SAMD8: variants seen among roughly 807,000 people sequenced by gnomAD.
SAMD8 encodes the protein sphingomyelin synthase-related protein 1.
A neutral mutation model predicts 42.0 loss-of-function variants in SAMD8; 20 were observed. The observed-to-expected ratio is 0.48, with a 90% CI of 0.34 to 0.69. The LOEUF is 0.69. Among genes scored for constraint, SAMD8 ranks in the 30% least tolerant of loss-of-function variants. The pLI is 0.01. For synonymous variants in SAMD8, 162 were observed against 173.0 expected (o/e 0.94, Z 0.50); for missense variants, 328 against 511.6 (o/e 0.64, Z 3.46).
chr10:75,136,814 A>G (rs892846574), intron 1 of SAMD8, among the ~76,000 whole-genome samples: 5 of 152,230 alleles, frequency 3.3e-5, no homozygotes, highest in African/African-American at 9.6e-5. Context: ...TAGTAAGCAT[A>G]TGAAAAGATG....
chr10:75,136,734 A>G (rs1839894919), intron 1 of SAMD8, among the ~76,000 whole-genome samples: 1 of 152,168 alleles, frequency 6.6e-6, no homozygotes, highest in South Asian at 2.1e-4. Flanking sequence ...TCTCAATACC[A>G]AAAAAACCCA....
intron 1 of SAMD8, among the ~76,000 whole-genome samples, chr10:75,123,071 A>G (rs1363096762): frequency 1.3e-5 from 2 of 152,202 alleles, no homozygotes; most frequent in African/African-American, 4.8e-5. Context: ...TACAGACACC[A>G]TCTCCATAGT....
In SAMD8 at chr10:75,178,707, A is replaced by T. The variant is rs1388610065; in HGVS notation, c.*2015A>T. The T allele has an allele frequency of 6.6e-6, 1 of 152,162 alleles. No individual in the cohort carries two copies. Among genetic ancestry groups the T allele is most frequent in the Non-Finnish European group, 1.5e-5 (1 of 68,076 alleles). The allele number at this position is 152,162 out of a possible 1,614,324, so 9.4% of individuals were successfully genotyped here. On this transcript the variant is annotated 3_prime_UTR_variant, in exon 6 of 6. Transcript: ENST00000542569. ...CGCCTATGAATAACCACTGCATTCC[A>T]GCCCGGGCAAGGTAGCAAGACCCAT... is the stretch of plus-strand genomic sequence containing the variant.
intron 2 of SAMD8, among the ~76,000 whole-genome samples, chr10:75,162,915 A>G (rs1840591546): frequency 6.6e-6 from 1 of 151,144 alleles, no homozygotes; most frequent in Non-Finnish European, 1.5e-5. Flanking sequence ...CAAGAGAGGA[A>G]TTTTTTTTTC....
chr10:75,107,478 G>T (rs575815511), upstream of SAMD8, among the ~76,000 whole-genome samples: 5 of 152,320 alleles, frequency 3.3e-5, no homozygotes, highest in South Asian at 6.2e-4. Context: ...CAGCCTCAGG[G>T]TTGCTCCTAA....
intron 1 of SAMD8, among the ~76,000 whole-genome samples, chr10:75,138,009 A>G (rs903298717): frequency 5.9e-5 from 9 of 152,198 alleles, no homozygotes; most frequent in African/African-American, 2.2e-4. Flanking sequence ...CTGGAGAATT[A>G]TGTGCATGTG....
intron 1 of SAMD8, among the ~76,000 whole-genome samples, chr10:75,136,077 GT>G (rs953896295): frequency 1.0e-4 from 15 of 149,340 alleles, no homozygotes; most frequent in African/African-American, 1.2e-4. Context: ...TTTTCTTTTG[GT>G]TTTTTTTTGG....
intron 1 of SAMD8, among the ~76,000 whole-genome samples, chr10:75,100,986 T>C (rs1329476586): frequency 6.6e-6 from 1 of 152,272 alleles, no homozygotes; most frequent in South Asian, 2.1e-4. Context: ...CTGGACTTTC[T>C]TCCTGCCCAT....
chr10:75,130,845 GATA>G (rs1220806662), intron 1 of SAMD8, among the ~76,000 whole-genome samples: 1 of 152,154 alleles, frequency 6.6e-6, no homozygotes, highest in Non-Finnish European at 1.5e-5. Context: ...GTAAAATGAA[GATA>G]ATAGTAATGT....
chr10:75,119,062 T>C (rs779976934), intron 1 of SAMD8, among the ~76,000 whole-genome samples: 1 of 152,260 alleles, frequency 6.6e-6, no homozygotes, highest in African/African-American at 2.4e-5. Context: ...CCTCAGTGTT[T>C]ATCTTGGGAT....
At chr10:75,117,668 G>A (rs1848918241) in intron 1 of SAMD8, among the ~76,000 whole-genome samples, 1 of 152,218 alleles carries the variant, frequency 6.6e-6, no homozygotes, top group Non-Finnish European at 1.5e-5. Context: ...AGTGAGCCGA[G>A]ATTGCGCCAT....
intron 4 of SAMD8, among the ~76,000 whole-genome samples, chr10:75,169,620 A>G (rs1840798297): frequency 6.6e-6 from 1 of 151,700 alleles, no homozygotes; most frequent in South Asian, 2.1e-4. Flanking sequence ...TCACTCCTTT[A>G]AAAATGTTGC....
intron 1 of SAMD8, among the ~76,000 whole-genome samples, chr10:75,121,954 A>G (rs547307242): frequency 6.6e-6 from 1 of 152,362 alleles, no homozygotes; most frequent in Non-Finnish European, 1.5e-5. Flanking sequence ...GGCCTCCCAA[A>G]GTGCTGGGAT....
intron 1 of SAMD8, chr10:75,101,804 C>T (rs959494541): frequency 6.6e-6 from 8 of 1,216,334 alleles, no homozygotes; most frequent in Admixed American, 5.8e-5. Context: ...TGTCCTGGCC[C>T]TCATTACCCA....
chr10:75,102,380 T>G (rs1447144938), intron 1 of SAMD8, among the ~76,000 whole-genome samples: 1 of 151,820 alleles, frequency 6.6e-6, no homozygotes, highest in Non-Finnish European at 1.5e-5. Context: ...GAGGCAGAGC[T>G]TGCAGTGAGC....
chr10:75,106,248 C>G (rs1014833524), intron 1 of SAMD8, among the ~76,000 whole-genome samples: 1 of 151,910 alleles, frequency 6.6e-6, no homozygotes, highest in Non-Finnish European at 1.5e-5. Flanking sequence ...GGCCTCCAAA[C>G]CTTTTTAACA....
intron 1 of SAMD8, among the ~76,000 whole-genome samples, chr10:75,120,863 C>T (rs944345920): frequency 6.8e-6 from 1 of 148,044 alleles, no homozygotes; most frequent in African/African-American, 2.5e-5. Context: ...TCACTGCAGC[C>T]TCCGCCTCCC....
intron 1 of SAMD8, chr10:75,125,758 CA>C (rs1849117168): frequency 6.6e-6 from 1 of 152,412 alleles, no homozygotes; most frequent in African/African-American, 2.4e-5. Context: ...TGAGTTGTGC[CA>C]TTCGCAGAAA....
chr10:75,174,412 A>G (rs1346295896), intron 4 of SAMD8, among the ~76,000 whole-genome samples: 1 of 144,794 alleles, frequency 6.9e-6, no homozygotes, highest in Non-Finnish European at 1.5e-5. Flanking sequence ...TACAGGCGTG[A>G]GCCACCGTGC....
Sources: allele counts gnomAD v4.1 joint callset (sites outside exome capture counted in the v4.1 genomes callset), GRCh38; gene constraint gnomAD v4.1.1; transcripts MANE v1.5; gene names NCBI Gene and HGNC (gene_info 2026-07-23, HGNC 2026-07-21).